Variants in CD200R1 observed in about 807,000 individuals in gnomAD.
The protein encoded by CD200R1 is CD200 receptor 1.
In CD200R1, 30 loss-of-function variants were observed where a neutral mutation model predicts 38.1. That is an observed-to-expected ratio of 0.79 (90% CI 0.59 to 1.07). The LOEUF is 1.07. CD200R1 is among the 50% of genes least tolerant of loss of function. CD200R1 has a pLI of 0.00. For synonymous variants in CD200R1, 128 were observed against 152.1 expected, an observed-to-expected ratio of 0.84 and a Z score of 1.16; for missense variants, 372 against 415.4, an observed-to-expected ratio of 0.90 and a Z score of 0.91.
Position 112,947,896 on chromosome 3 carries a change from G to C in CD200R1, c.96C>G (p.Asn32Lys), listed in dbSNP as rs1478317687. The part of the protein sequence containing the change: ...AEAEGAAQPN[N>K]SLMLQTSKEN... ...CCTTGCTAGTTTGCAGCATTAATGA[G>C]TTGTTTGGTTGAGCAGCACCCTCCG... The change falls in exon 2 of 8, where the codon AAC becomes AAG. Residue 32 changes from asparagine (N) to lysine (K), a missense_variant. Asn to Lys is a moderately conservative substitution (Grantham distance 94, BLOSUM62 0). Coordinates refer to ENST00000308611, the MANE Select transcript of CD200R1 (RefSeq NM_138806.4). The C allele has an allele frequency of 6.2e-7, 1 of 1,613,190 alleles. No homozygotes were observed. The highest frequency in any genetic ancestry group is 1.7e-5 in the Admixed American group (1 of 60,014).
chr3:112,940,712 T>C (rs1353973384), intron 2 of CD200R1, among the ~76,000 whole-genome samples: 1 of 151,746 alleles, frequency 6.6e-6, no homozygotes, highest in African/African-American at 2.4e-5. Context: ...GAATGTAAAC[T>C]AATACAGTCT....
At chr3:112,971,060 G>C (rs993371711) in intron 1 of CD200R1, among the ~76,000 whole-genome samples, 1 of 152,114 alleles carries the variant, frequency 6.6e-6, no homozygotes, top group African/African-American at 2.4e-5. Context: ...ACAAACACTA[G>C]AGTTTTCTAT....
At chr3:112,938,294 T>G (rs1940633817) in intron 2 of CD200R1, among the ~76,000 whole-genome samples, 1 of 152,096 alleles carries the variant, frequency 6.6e-6, no homozygotes, top group South Asian at 2.1e-4. Flanking sequence ...TGCTTCTAGT[T>G]TTTGCCCATT....
intron 5 of CD200R1, among the ~76,000 whole-genome samples, chr3:112,925,484 A>G (rs74815257): frequency 0.03 from 4,496 of 152,212 alleles, 205 homozygotes; most frequent in East Asian, 0.22. Flanking sequence ...TGTGTAGGAC[A>G]ATAAAACTGT....
chr3:112,930,964 A>T (rs1050711967), intron 3 of CD200R1, 142 bp downstream of exon 3: 1 of 585,882 alleles, frequency 1.7e-6, no homozygotes, highest in African/African-American at 1.8e-5. Context: ...GTCATTCAGG[A>T]TCCCTCATAC....
At chr3:112,923,927 TG>T (rs1238679662) in intron 7 of CD200R1, 128 bp from the exon 8 acceptor site, 4 of 569,864 alleles carry the variant, frequency 7.0e-6, no homozygotes, top group Non-Finnish European at 1.2e-5. Flanking sequence ...ATTGTGTTTC[TG>T]GGCCTATATA....
intron 2 of CD200R1, among the ~76,000 whole-genome samples, chr3:112,939,923 C>T (rs1239697675): frequency 6.9e-6 from 1 of 144,236 alleles, no homozygotes; most frequent in African/African-American, 2.5e-5. Context: ...TCAAAATATA[C>T]CATAAAGCTG....
chr3:112,966,671 C>T (rs568459610), intron 1 of CD200R1, among the ~76,000 whole-genome samples: 1 of 152,018 alleles, frequency 6.6e-6, no homozygotes, highest in Non-Finnish European at 1.5e-5. Flanking sequence ...TAAACACATA[C>T]TGGTTGGAAA....
At chr3:112,966,059 T>C (rs187868135) in intron 1 of CD200R1, among the ~76,000 whole-genome samples, 135 of 152,322 alleles carry the variant, frequency 8.9e-4, no homozygotes, top group African/African-American at 3.2e-3. Context: ...GCTCAGGGAA[T>C]GGCAGCTTGA....
intron 1 of CD200R1, among the ~76,000 whole-genome samples, chr3:112,957,315 A>C (rs1941122370): frequency 6.6e-6 from 1 of 152,184 alleles, no homozygotes; most frequent in South Asian, 2.1e-4. Flanking sequence ...ATGATTGCTA[A>C]AGAGTCCTAT....
chr3:112,962,067 T>C (rs115968936), intron 1 of CD200R1, among the ~76,000 whole-genome samples: 2,986 of 152,324 alleles, frequency 0.02, 108 homozygotes, highest in African/African-American at 0.068. Context: ...AGTATTATGC[T>C]AATAAATTTG....
chr3:112,972,297 C>A (rs1933329978), intron 1 of CD200R1, among the ~76,000 whole-genome samples: 1 of 152,160 alleles, frequency 6.6e-6, no homozygotes, highest in Non-Finnish European at 1.5e-5. Context: ...CCACTGTTTG[C>A]AAATCTGCCA....
chr3:112,952,885 T>C (rs1941000891), intron 1 of CD200R1, among the ~76,000 whole-genome samples: 1 of 152,198 alleles, frequency 6.6e-6, no homozygotes. Context: ...TTTGACTTCT[T>C]TATTTTCTAT....
At chr3:112,968,005 T>C (rs1282326822) in intron 1 of CD200R1, among the ~76,000 whole-genome samples, 2 of 152,254 alleles carry the variant, frequency 1.3e-5, no homozygotes, top group African/African-American at 4.8e-5. Flanking sequence ...GTGTCATACA[T>C]CTTCATTTCA....
chr3:112,940,966 T>G (rs371564360), intron 2 of CD200R1, among the ~76,000 whole-genome samples: 4 of 151,958 alleles, frequency 2.6e-5, no homozygotes, highest in South Asian at 2.1e-4. Flanking sequence ...TGGAATACTA[T>G]TCAGCCATAA....
intron 1 of CD200R1, among the ~76,000 whole-genome samples, chr3:112,957,812 C>G (rs1008361368): frequency 6.6e-6 from 1 of 152,006 alleles, no homozygotes; most frequent in Non-Finnish European, 1.5e-5. Flanking sequence ...CAATTAAAAT[C>G]TGGGCAAATG....
At chr3:112,938,511 A>C (rs1940638533) in intron 2 of CD200R1, among the ~76,000 whole-genome samples, 1 of 152,106 alleles carries the variant, frequency 6.6e-6, no homozygotes, top group South Asian at 2.1e-4. Context: ...GATTAGAGAA[A>C]ACTGAAAAAT....
intron 2 of CD200R1, among the ~76,000 whole-genome samples, chr3:112,946,418 G>A (rs923418905): frequency 5.3e-5 from 8 of 152,142 alleles, no homozygotes; most frequent in Admixed American, 2.0e-4. Flanking sequence ...AGACATATCC[G>A]ATAAAAGACT....
At position 112,923,788 on chromosome 3, in the gene CD200R1, C is replaced by A; in HGVS notation, c.936G>T (p.Gln312His). 1.9e-6 allele frequency: 3 copies of A among 1,587,868 alleles called. No individual in the cohort carries two copies. The highest frequency in any genetic ancestry group is 1.7e-6 in the Non-Finnish European group (2 of 1,167,344). ...TCTTCTCTGTGTAGCTGGCATAGGG[C>A]TGCATTTCATCCTAAGAAAGAACTC... The part of the protein sequence containing the change: ...STPVVEEDEM[Q>H]PYASYTEKNN... The change falls in exon 8 of 8, where the codon CAG (glutamine) becomes CAT (histidine). Residue 312 changes from glutamine (Q) to histidine (H), a missense_variant. Gln to His is a conservative substitution (Grantham distance 24, BLOSUM62 0). Coordinates refer to ENST00000308611, the MANE Select transcript of CD200R1 (RefSeq NM_138806.4).
Sources: gnomAD v4.1 joint callset for allele counts (sites outside exome capture counted in the v4.1 genomes callset) on GRCh38, gnomAD v4.1.1 for gene constraint, MANE v1.5 for transcripts, NCBI Gene and HGNC (gene_info 2026-07-23, HGNC 2026-07-21) for gene names.